The following CIMAP3 variants were observed in gnomAD, a reference collection of about 807,000 sequenced individuals.
CIMAP3 encodes ciliary microtubule-associated protein 3.
the CIMAP3 span, chr1:111,349,764 G>A: frequency 5.6e-6 from 1 of 179,406 alleles, no homozygotes. Flanking sequence ...TTAAATTGTG[G>A]GCAGTACTAA....
the CIMAP3 span, chr1:111,347,668 C>T: frequency 8.0e-5 from 126 of 1,572,838 alleles, no homozygotes; most frequent in Non-Finnish European, 5.1e-5. Flanking sequence ...AATATACCAC[C>T]CAAAGGGATA....
At chr1:111,349,636 G>A in the CIMAP3 span, 27 of 154,264 alleles carry the variant, frequency 1.8e-4, no homozygotes, top group Non-Finnish European at 3.6e-4. Flanking sequence ...AAGACAAAGT[G>A]TATATGAACA....
At chr1:111,329,916 G>A in the CIMAP3 span, among the ~76,000 whole-genome samples, 1 of 151,876 alleles carries the variant, frequency 6.6e-6, no homozygotes, top group African/African-American at 2.4e-5. Context: ...ATTTTTGTCT[G>A]ACTGTCTTAT....
the CIMAP3 span, among the ~76,000 whole-genome samples, chr1:111,336,045 A>G: frequency 6.6e-6 from 1 of 152,234 alleles, no homozygotes; most frequent in Non-Finnish European, 1.5e-5. Context: ...CGGTTCATGA[A>G]AAACCGCTGT....
At chr1:111,328,899 G>C in the CIMAP3 span, among the ~76,000 whole-genome samples, 7 of 152,174 alleles carry the variant, frequency 4.6e-5, no homozygotes, top group Non-Finnish European at 8.8e-5. Flanking sequence ...TGTGCTGTTA[G>C]CTGGTTATTA....
At chr1:111,351,359 A>G in the CIMAP3 span, 1 of 1,497,040 alleles carries the variant, frequency 6.7e-7, no homozygotes. Flanking sequence ...TGCTCCTCTT[A>G]TACACAGACT....
chr1:111,326,599 G>A, the CIMAP3 span, among the ~76,000 whole-genome samples: 1 of 152,008 alleles, frequency 6.6e-6, no homozygotes, highest in African/African-American at 2.4e-5. Flanking sequence ...ACACACAAAT[G>A]CAGGTATCCC....
At chr1:111,347,128 G>GA in the CIMAP3 span, 8 of 1,474,610 alleles carry the variant, frequency 5.4e-6, no homozygotes, top group Admixed American at 2.3e-5. Context: ...TTTCGTAAAA[G>GA]AAAAAATTCT....
chr1:111,344,152 T>C, the CIMAP3 span, among the ~76,000 whole-genome samples: 1 of 152,252 alleles, frequency 6.6e-6, no homozygotes, highest in African/African-American at 2.4e-5. Context: ...CTCTGGATGA[T>C]ATCTTCAGAA....
At chr1:111,333,550 T>G in the CIMAP3 span, among the ~76,000 whole-genome samples, 1 of 152,170 alleles carries the variant, frequency 6.6e-6, no homozygotes, top group Admixed American at 6.5e-5. Flanking sequence ...GGTATTCTCC[T>G]GTTGTAAGCA....
the CIMAP3 span, among the ~76,000 whole-genome samples, chr1:111,334,851 G>A: frequency 6.6e-5 from 10 of 152,086 alleles, no homozygotes; most frequent in Middle Eastern, 3.2e-3. Context: ...CAGATGTCAC[G>A]CAAGGTGGCT....
chr1:111,343,227 T>C, the CIMAP3 span, among the ~76,000 whole-genome samples: 1 of 152,242 alleles, frequency 6.6e-6, no homozygotes, highest in Non-Finnish European at 1.5e-5. Context: ...AATTGATTAT[T>C]ATTTAATTCA....
At chr1:111,334,027 G>T in the CIMAP3 span, among the ~76,000 whole-genome samples, 1 of 152,096 alleles carries the variant, frequency 6.6e-6, no homozygotes, top group Non-Finnish European at 1.5e-5. Flanking sequence ...AATAGCTTAG[G>T]TAATATTAAT....
chr1:111,350,698 CT>C, the CIMAP3 span, among the ~76,000 whole-genome samples: 2 of 152,178 alleles, frequency 1.3e-5, no homozygotes, highest in Admixed American at 1.3e-4. Context: ...GCAGTATTTA[CT>C]TGTGTAATCT....
At chr1:111,339,687 T>A in the CIMAP3 span, among the ~76,000 whole-genome samples, 2 of 151,880 alleles carry the variant, frequency 1.3e-5, no homozygotes, top group Non-Finnish European at 2.9e-5. Flanking sequence ...TACAAACCAC[T>A]GCTCAATGAA....
the CIMAP3 span, chr1:111,346,890 G>A: frequency 1.3e-4 from 217 of 1,611,970 alleles, no homozygotes; most frequent in Non-Finnish European, 1.7e-4. Context: ...CTCACGTGGA[G>A]CCTCTCCTCT....
the CIMAP3 span, chr1:111,346,528 C>G: frequency 1.8e-3 from 2,785 of 1,509,562 alleles, 43 homozygotes; most frequent in African/African-American, 0.034. Flanking sequence ...GGTGGACGCC[C>G]CAACTTGCCG....
At chr1:111,343,884 C>T in the CIMAP3 span, among the ~76,000 whole-genome samples, 1 of 152,154 alleles carries the variant, frequency 6.6e-6, no homozygotes, top group Non-Finnish European at 1.5e-5. Context: ...TGATCTTTTT[C>T]TTTTAGGCTC....
chr1:111,330,576 T>C, the CIMAP3 span, among the ~76,000 whole-genome samples: 1 of 152,208 alleles, frequency 6.6e-6, no homozygotes, highest in African/African-American at 2.4e-5. Context: ...AGTTGCAGCA[T>C]TTTCTTTTTC....
Sources: allele counts gnomAD v4.1 joint callset (sites outside exome capture counted in the v4.1 genomes callset), GRCh38; gene constraint gnomAD v4.1.1; transcripts MANE v1.5; gene names NCBI Gene and HGNC (gene_info 2026-07-23, HGNC 2026-07-21).